DCC: variants seen among roughly 807,000 people sequenced by gnomAD.
DCC encodes DCC netrin 1 receptor.
A neutral mutation model predicts 172.5 loss-of-function variants in DCC; 58 were observed. That is an observed-to-expected ratio of 0.34 (90% CI 0.27 to 0.42). The LOEUF (loss-of-function observed/expected upper bound fraction) is 0.42, where lower values mean the gene tolerates loss of function less well. Among genes scored for constraint, DCC ranks in the 10% least tolerant of loss-of-function variants. The pLI, the probability that DCC is intolerant of heterozygous loss-of-function variation, is 1.00. For missense variants in DCC, 1,740 were observed against 1,791.0 expected, an observed-to-expected ratio of 0.97 and a Z score of 0.51; for synonymous variants, 709 against 644.5, an observed-to-expected ratio of 1.10 and a Z score of -1.52.
At chr18:52,437,625 T>C (rs1598817946) in intron 1 of DCC, among the ~76,000 whole-genome samples, 1 of 152,194 alleles carries the variant, frequency 6.6e-6, no homozygotes, top group Admixed American at 6.5e-5. Context: ...ACTAGAGTTT[T>C]ATTGTTGTAA....
intron 1 of DCC, among the ~76,000 whole-genome samples, chr18:52,651,499 CT>C (rs202034422): frequency 0.16 from 21,770 of 134,868 alleles, 1,500 homozygotes; most frequent in Admixed American, 0.23. Flanking sequence ...TTTTTAAAAT[CT>C]TTTTTTTTTT....
chr18:53,422,608 C>T (rs1232530591), intron 21 of DCC, among the ~76,000 whole-genome samples: 4 of 152,134 alleles, frequency 2.6e-5, no homozygotes, highest in Non-Finnish European at 5.9e-5. Flanking sequence ...CTTAACACTG[C>T]ACCTGCCATT....
intron 1 of DCC, among the ~76,000 whole-genome samples, chr18:52,352,285 G>A (rs1984158411): frequency 6.6e-6 from 1 of 152,142 alleles, no homozygotes; most frequent in African/African-American, 2.4e-5. Flanking sequence ...ACAGGCACAG[G>A]CCAGCCCTTC....
chr18:52,491,970 A>C (rs544362108), intron 1 of DCC, among the ~76,000 whole-genome samples: 3 of 152,048 alleles, frequency 2.0e-5, no homozygotes, highest in African/African-American at 7.2e-5. Flanking sequence ...ATGAGACAAA[A>C]AATATGTGTC....
chr18:52,595,053 T>G (rs991594542), intron 1 of DCC, among the ~76,000 whole-genome samples: 2 of 152,202 alleles, frequency 1.3e-5, no homozygotes, highest in African/African-American at 4.8e-5. Flanking sequence ...CTGTAAAGAC[T>G]TTAGCTATGG....
intron 2 of DCC, among the ~76,000 whole-genome samples, chr18:52,862,559 A>AT (rs1216191379): frequency 6.6e-6 from 1 of 151,946 alleles, no homozygotes; most frequent in East Asian, 1.9e-4. Context: ...TTAGCCGGGC[A>AT]TGGTGGCACG....
chr18:53,211,237 T>C (rs748402543), intron 11 of DCC, among the ~76,000 whole-genome samples: 114 of 152,204 alleles, frequency 7.5e-4, no homozygotes, highest in Middle Eastern at 3.2e-3. Flanking sequence ...GCCTTTACCT[T>C]TCATCCTCAC....
At chr18:53,469,927 C>T (rs550244176) in intron 25 of DCC, among the ~76,000 whole-genome samples, 8 of 152,288 alleles carry the variant, frequency 5.3e-5, no homozygotes, top group South Asian at 2.1e-4. Flanking sequence ...CTCATACTCT[C>T]AGAAACAGTT....
chr18:52,868,258 A>G (rs1444832641), intron 2 of DCC, among the ~76,000 whole-genome samples: 1 of 152,100 alleles, frequency 6.6e-6, no homozygotes, highest in Non-Finnish European at 1.5e-5. Flanking sequence ...TGGAAAGCCC[A>G]TGATGTAATT....
chr18:53,029,518 G>A (rs1380529395), intron 5 of DCC, among the ~76,000 whole-genome samples: 3 of 152,078 alleles, frequency 2.0e-5, no homozygotes, highest in Non-Finnish European at 4.4e-5. Flanking sequence ...GGAAATGCCT[G>A]GTTTGTAGCC....
chr18:53,126,283 T>A lies in DCC; in HGVS notation c.1262-31073T>A, dbSNP rs1418035927. On this transcript the variant is annotated intron_variant, in intron 7 of 28. Coordinates refer to ENST00000442544, the MANE Select transcript of DCC (RefSeq NM_005215.4). The stretch of plus-strand genomic sequence containing the variant: ...TTTGGCTTTCACCCCTGGGATACTA[T>A]TTGTGCCTAGGATTTTTGAGAAGGT... Among the ~76,000 whole-genome samples the A allele has an allele frequency of 3.3e-5, 5 of 152,122 alleles. No individual in the cohort carries two copies. The South Asian group carries it at 1.0e-3, about 32-fold the overall frequency.
intron 5 of DCC, among the ~76,000 whole-genome samples, chr18:53,023,728 T>C (rs11659394): frequency 9.4e-4 from 143 of 152,256 alleles, no homozygotes; most frequent in Non-Finnish European, 1.8e-3. Flanking sequence ...ATAATAATAA[T>C]ATAGAGTTTT....
chr18:52,637,900 T>C (rs2034813463), intron 1 of DCC, among the ~76,000 whole-genome samples: 2 of 152,118 alleles, frequency 1.3e-5, no homozygotes, highest in South Asian at 4.1e-4. Flanking sequence ...GGAAAGAATC[T>C]TAAGAGCTGT....
intron 1 of DCC, among the ~76,000 whole-genome samples, chr18:52,606,362 T>C (rs1346879063): frequency 2.0e-5 from 3 of 152,144 alleles, no homozygotes; most frequent in East Asian, 1.9e-4. Context: ...GATTTTGTGA[T>C]GTCAATAAGA....
chr18:52,920,907 A>G (rs2040114557), intron 3 of DCC, among the ~76,000 whole-genome samples: 1 of 152,148 alleles, frequency 6.6e-6, no homozygotes, highest in South Asian at 2.1e-4. Context: ...TTGCTGTGAG[A>G]AAAAAGCCAG....
At chr18:52,713,484 G>T (rs2036329091) in intron 1 of DCC, among the ~76,000 whole-genome samples, 1 of 152,198 alleles carries the variant, frequency 6.6e-6, no homozygotes, top group Non-Finnish European at 1.5e-5. Flanking sequence ...GCCACTTGGG[G>T]TCTGGGGTGC....
At chr18:52,431,308 T>A (rs1987614459) in intron 1 of DCC, among the ~76,000 whole-genome samples, 8 of 151,590 alleles carry the variant, frequency 5.3e-5, no homozygotes, top group Admixed American at 2.6e-4. Context: ...AGAAAAGCAA[T>A]AATAATAAAG....
At chr18:53,187,901 T>C (rs12326210) in intron 9 of DCC, among the ~76,000 whole-genome samples, 4,195 of 152,244 alleles carry the variant, frequency 0.028, 62 homozygotes, top group Admixed American at 0.046. Flanking sequence ...TGACAAGCAA[T>C]TACTGCTTCT....
intron 1 of DCC, among the ~76,000 whole-genome samples, chr18:52,546,659 TATCATCATCATCATC>T (rs3086379): frequency 3.3e-5 from 5 of 150,194 alleles, no homozygotes; most frequent in Non-Finnish European, 5.9e-5. Flanking sequence ...TCAATAATAA[TATCATCATCATCATC>T]ATCATCATCA....
Sources: gnomAD v4.1 joint callset for allele counts (sites outside exome capture counted in the v4.1 genomes callset) on GRCh38, gnomAD v4.1.1 for gene constraint, MANE v1.5 for transcripts, NCBI Gene and HGNC (gene_info 2026-07-23, HGNC 2026-07-21) for gene names.